Variants in GPC5 observed in about 807,000 individuals in gnomAD.
The protein encoded by GPC5 is glypican-5.
Under a neutral mutation model 53.9 loss-of-function variants are expected in GPC5, and 47 were observed. The observed-to-expected ratio is 0.87, with a 90% CI of 0.69 to 1.11. The LOEUF (loss-of-function observed/expected upper bound fraction) is 1.11, where lower values mean the gene tolerates loss of function less well. Among genes scored for constraint, GPC5 ranks in the 50% most tolerant of loss-of-function variants. The pLI, the probability that GPC5 is intolerant of heterozygous loss-of-function variation, is 0.00. For synonymous variants in GPC5, 286 were observed against 263.3 expected, an observed-to-expected ratio of 1.09 and a Z score of -0.84; for missense variants, 748 against 713.1, an observed-to-expected ratio of 1.05 and a Z score of -0.56.
At chr13:92,004,649 C>T (rs1014809855) in intron 6 of GPC5, among the ~76,000 whole-genome samples, 5 of 150,750 alleles carry the variant, frequency 3.3e-5, no homozygotes, top group African/African-American at 4.9e-5. Flanking sequence ...AAGACGTAAC[C>T]GAGACTGGAT....
At chr13:91,567,646 T>A (rs1431081253) in intron 2 of GPC5, among the ~76,000 whole-genome samples, 1 of 152,174 alleles carries the variant, frequency 6.6e-6, no homozygotes, top group Non-Finnish European at 1.5e-5. Context: ...TACTGCCAGC[T>A]GAGGGATATT....
In GPC5 at chr13:92,385,437, C is replaced by CACAT. The variant is rs2043790330; in HGVS notation, c.1561+240449_1561+240450insCATA. On this transcript the variant is annotated intron_variant, in intron 7 of 7. Coordinates refer to ENST00000377067, the MANE Select transcript of GPC5 (RefSeq NM_004466.6). ...ATATATATACATATATACATATATA[C>CACAT]ATATATACATATATACATATATACA... Among the ~76,000 whole-genome samples the CACAT allele has an allele frequency of 7.8e-5, 5 of 64,066 alleles. No homozygotes were observed. In the South Asian group the frequency reaches 1.3e-3, roughly 17 times the overall value. 42.0% of individuals were successfully genotyped at this position (64,066 alleles called of 152,430 possible). A position where few individuals can be genotyped will look rare whatever the true frequency, so the allele number is the denominator to read the frequency against.
chr13:92,267,239 T>C (rs1371028524), intron 7 of GPC5, among the ~76,000 whole-genome samples: 1 of 152,128 alleles, frequency 6.6e-6, no homozygotes, highest in Non-Finnish European at 1.5e-5. Context: ...CTAGTCTTCA[T>C]AGCAAGGCTT....
intron 3 of GPC5, among the ~76,000 whole-genome samples, chr13:91,706,001 T>G (rs76813340): frequency 0.021 from 3,169 of 151,184 alleles, 105 homozygotes; most frequent in African/African-American, 0.072. Context: ...CTGCCTCAAC[T>G]TCCCTGGTAG....
intron 5 of GPC5, among the ~76,000 whole-genome samples, chr13:91,897,250 A>G (rs1262800591): frequency 1.3e-5 from 2 of 152,196 alleles, no homozygotes; most frequent in South Asian, 2.1e-4. Context: ...AGTTATTTAC[A>G]AATCTTTTCA....
At chr13:91,508,895 CA>C (rs1885088588) in intron 2 of GPC5, among the ~76,000 whole-genome samples, 1 of 152,096 alleles carries the variant, frequency 6.6e-6, no homozygotes, top group Non-Finnish European at 1.5e-5. Context: ...ATTTGCCCCC[CA>C]AAAAGCATCA....
chr13:92,794,821 T>C (rs374480657), intron 7 of GPC5, among the ~76,000 whole-genome samples: 1 of 152,038 alleles, frequency 6.6e-6, no homozygotes, highest in Non-Finnish European at 1.5e-5. Context: ...GGAATCCAAC[T>C]TACAAGGGAT....
intron 7 of GPC5, among the ~76,000 whole-genome samples, chr13:92,431,095 T>C (rs1054479388): frequency 6.6e-6 from 1 of 152,194 alleles, no homozygotes; most frequent in Non-Finnish European, 1.5e-5. Context: ...TATTTTGAGA[T>C]TCTGCATTTT....
intron 7 of GPC5, chr13:92,447,800 G>T (rs563754485): frequency 6.6e-6 from 1 of 152,134 alleles, no homozygotes; most frequent in Admixed American, 6.6e-5. Flanking sequence ...GTGAACATAT[G>T]TTTAAGAGTG....
chr13:91,513,859 C>A (rs900497091), intron 2 of GPC5, among the ~76,000 whole-genome samples: 21 of 152,166 alleles, frequency 1.4e-4, no homozygotes, highest in African/African-American at 4.8e-4. Flanking sequence ...AAAACACTGA[C>A]TTGTTCTTTA....
At chr13:92,360,269 G>A (rs757483292) in intron 7 of GPC5, among the ~76,000 whole-genome samples, 7 of 151,506 alleles carry the variant, frequency 4.6e-5, no homozygotes, top group Non-Finnish European at 8.8e-5. Context: ...TCAAAAAATC[G>A]AATCCATCAT....
At chr13:92,703,297 G>A (rs1024519795) in intron 7 of GPC5, among the ~76,000 whole-genome samples, 1 of 151,426 alleles carries the variant, frequency 6.6e-6, no homozygotes, top group African/African-American at 2.4e-5. Flanking sequence ...GTGTCCCTTG[G>A]GGGGCTGGGC....
intron 2 of GPC5, among the ~76,000 whole-genome samples, chr13:91,579,205 G>C (rs1594284000): frequency 1.3e-5 from 2 of 152,320 alleles, no homozygotes; most frequent in East Asian, 3.9e-4. Context: ...GAGCCATACA[G>C]GTTTCCCTCG....
At chr13:91,538,773 C>T (rs1348841396) in intron 2 of GPC5, among the ~76,000 whole-genome samples, 2 of 151,208 alleles carry the variant, frequency 1.3e-5, no homozygotes, top group African/African-American at 2.4e-5. Flanking sequence ...TAGTAGAGAC[C>T]GGGTTTCACC....
At chr13:91,664,589 A>C (rs185060039) in intron 2 of GPC5, among the ~76,000 whole-genome samples, 1 of 152,342 alleles carries the variant, frequency 6.6e-6, no homozygotes, top group African/African-American at 2.4e-5. Flanking sequence ...TATACTCTGT[A>C]AACAGATCCA....
At position 91,785,002 on chromosome 13, in the gene GPC5, T is replaced by C. The variant is rs186027396; in HGVS notation, c.1280+28582T>C. Among the ~76,000 whole-genome samples, 19 of 152,300 alleles carry C rather than the reference T, an allele frequency of 1.2e-4. No homozygotes were observed. The East Asian group carries it at 3.5e-3, about 28-fold the overall frequency. On this transcript the variant is annotated intron_variant, in intron 5 of 7. Transcript: ENST00000377067. ...CTTTTTATTTGATCTAGCAGCAGCA[T>C]TTGACACTTTATTTTTCCCCGTTGT...
intron 2 of GPC5, among the ~76,000 whole-genome samples, chr13:91,688,510 G>A (rs523428): frequency 0.24 from 36,566 of 151,954 alleles, 6,196 homozygotes; most frequent in African/African-American, 0.48. Context: ...CCAATTTTTT[G>A]ATATTGTGGT....
intron 2 of GPC5, among the ~76,000 whole-genome samples, chr13:91,580,450 A>T (rs1428776264): frequency 1.3e-5 from 2 of 152,212 alleles, no homozygotes; most frequent in Non-Finnish European, 2.9e-5. Context: ...TTCTTGAATG[A>T]AATTTTTAGC....
At chr13:92,305,779 C>A (rs2043106497) in intron 7 of GPC5, among the ~76,000 whole-genome samples, 1 of 152,012 alleles carries the variant, frequency 6.6e-6, no homozygotes, top group Non-Finnish European at 1.5e-5. Context: ...AGTTTGATCC[C>A]AAGCCTTTAG....
Sources: gnomAD v4.1 joint callset for allele counts (sites outside exome capture counted in the v4.1 genomes callset) on GRCh38, gnomAD v4.1.1 for gene constraint, MANE v1.5 for transcripts, NCBI Gene and HGNC (gene_info 2026-07-23, HGNC 2026-07-21) for gene names.